SYTL3: variants seen among roughly 807,000 people sequenced by gnomAD.
SYTL3 encodes the protein synaptotagmin-like protein 3.
SYTL3 carries 88 observed loss-of-function variants against 82.1 expected under a neutral mutation model. The ratio of observed to expected loss-of-function variants is 1.07; its 90% CI spans 0.90 to 1.28. The LOEUF (loss-of-function observed/expected upper bound fraction) is 1.28. SYTL3 is among the 50% of genes most tolerant of loss of function. The pLI is 0.00. For synonymous variants in SYTL3, 311 were observed against 289.4 expected, an observed-to-expected ratio of 1.07 and a Z score of -0.76; for missense variants, 831 against 757.6, an observed-to-expected ratio of 1.10 and a Z score of -1.14.
At position 158,665,511 on chromosome 6, in the gene SYTL3, G is replaced by A. The variant is rs547797468; in HGVS notation, c.227G>A (p.Arg76Gln). 1.2e-5 allele frequency: 19 copies of A among 1,595,786 alleles called. No individual in the cohort carries two copies. Among genetic ancestry groups the A allele is most frequent in the Middle Eastern group, 1.7e-4 (1 of 6,038 alleles). ...CAGGTGCTGGGGTTCCTGCTGCACC[G>A]GGGCGCCGTGTGCCGGGGCTGCAGC... ...CQQVLGFLLH[R>Q]GAVCRGCSHR... Residue 76 changes from arginine to glutamine, a missense_variant, in exon 5 of 18, where the codon CGG becomes CAG. Arg to Gln is a conservative substitution (Grantham distance 43, BLOSUM62 1). Transcript: ENST00000611299.
chr6:158,743,778 T>C (rs1787244338), intron 11 of SYTL3, among the ~76,000 whole-genome samples: 1 of 151,778 alleles, frequency 6.6e-6, no homozygotes, highest in South Asian at 2.1e-4. Flanking sequence ...AATTTTACAT[T>C]GTTTTCCATT....
In SYTL3 at chr6:158,693,844, C is replaced by CTTTTACTTTTTTTTTTTT. The variant is rs763990639; in HGVS notation, c.394+10859_394+10860insACTTTTTTTTTTTTTTTT. Among the ~76,000 whole-genome samples the CTTTTACTTTTTTTTTTTT allele has an allele frequency of 6.7e-3, 371 of 55,462 alleles. 17 individuals carry two copies. Among genetic ancestry groups the CTTTTACTTTTTTTTTTTT allele is most frequent in the Non-Finnish European group, 8.8e-3 (259 of 29,424 alleles). The allele number at this position is 55,462 out of a possible 152,430, so 36.4% of individuals were successfully genotyped here. A position where few individuals can be genotyped will look rare whatever the true frequency, so the allele number is the denominator to read the frequency against. ...AGGTGTGCCACTGCATCCAGCCTTT[C>CTTTTACTTTTTTTTTTTT]TTTTTCTTTTCTTTTTTTTTTTTTT... On this transcript the variant is annotated intron_variant, in intron 6 of 17. Coordinates refer to ENST00000611299, the MANE Select transcript of SYTL3 (RefSeq NM_001242394.2).
chr6:158,680,780 CTTTCTA>C (rs1434334046), intron 5 of SYTL3, among the ~76,000 whole-genome samples: 12 of 152,016 alleles, frequency 7.9e-5, no homozygotes, highest in African/African-American at 2.9e-4. Flanking sequence ...CTTAAATGCT[CTTTCTA>C]TATTTTCCTT....
chr6:158,685,782 C>T (rs766236543), intron 6 of SYTL3, among the ~76,000 whole-genome samples: 6 of 152,132 alleles, frequency 3.9e-5, no homozygotes, highest in Non-Finnish European at 8.8e-5. Context: ...CATGCCATGG[C>T]ACTCCAGCCT....
intron 6 of SYTL3, among the ~76,000 whole-genome samples, chr6:158,695,352 T>C (rs922803201): frequency 2.0e-5 from 3 of 152,064 alleles, no homozygotes; most frequent in African/African-American, 7.3e-5. Flanking sequence ...GATTTCTGAA[T>C]GAAGGATTCA....
At chr6:158,760,940 G>A (rs546784903) in intron 15 of SYTL3, among the ~76,000 whole-genome samples, 195 bp downstream of exon 15, 3 of 152,276 alleles carry the variant, frequency 2.0e-5, no homozygotes, top group South Asian at 2.1e-4. Context: ...TGGGGGAAAC[G>A]GGTGACCAGA....
chr6:158,715,320 A>C (rs1428224942), intron 9 of SYTL3, among the ~76,000 whole-genome samples: 3 of 151,882 alleles, frequency 2.0e-5, no homozygotes, highest in African/African-American at 7.3e-5. Context: ...TCCCCCAGCC[A>C]CCGAAATCCA....
chr6:158,723,017 C>T (rs749789961), intron 10 of SYTL3, among the ~76,000 whole-genome samples: 4 of 150,996 alleles, frequency 2.6e-5, no homozygotes, highest in Non-Finnish European at 5.9e-5. Context: ...CTGCCAGCCT[C>T]GGCTTCCCAA....
At chr6:158,714,168 A>G (rs1049190257) in intron 9 of SYTL3, among the ~76,000 whole-genome samples, 1 of 152,324 alleles carries the variant, frequency 6.6e-6, no homozygotes, top group East Asian at 1.9e-4. Context: ...TCTGGCCAAC[A>G]TGGTGAAACC....
At chr6:158,682,819 A>G in intron 5 of SYTL3, 106 bp from the exon 6 acceptor site, 2 of 769,082 alleles carry the variant, frequency 2.6e-6, no homozygotes, top group Non-Finnish European at 2.2e-6. Context: ...GCTGAGGTCC[A>G]TTGCAAGACT....
chr6:158,684,628 T>C (rs557929359), intron 6 of SYTL3, among the ~76,000 whole-genome samples: 1 of 152,242 alleles, frequency 6.6e-6, no homozygotes, highest in South Asian at 2.1e-4. Context: ...GTGGCTCTTT[T>C]CTAGAAAAAG....
chr6:158,646,518 C>G (rs890899934), upstream of SYTL3, among the ~76,000 whole-genome samples: 6 of 152,196 alleles, frequency 3.9e-5, no homozygotes, highest in African/African-American at 1.4e-4. Context: ...AGCTTTGCCT[C>G]AGACCCAAAT....
chr6:158,687,903 C>T (rs1366136190), intron 6 of SYTL3, among the ~76,000 whole-genome samples: 1 of 152,222 alleles, frequency 6.6e-6, no homozygotes, highest in Non-Finnish European at 1.5e-5. Context: ...GAAATACTAC[C>T]ACAATCCCAA....
At chr6:158,669,014 G>A (rs1263520222) in intron 5 of SYTL3, among the ~76,000 whole-genome samples, 7 of 152,172 alleles carry the variant, frequency 4.6e-5, no homozygotes, top group Admixed American at 3.9e-4. Context: ...GGTGACTTGG[G>A]AGGAGAAACA....
intron 10 of SYTL3, among the ~76,000 whole-genome samples, chr6:158,722,925 C>T (rs1302263511): frequency 2.0e-5 from 3 of 148,800 alleles, no homozygotes; most frequent in Admixed American, 6.7e-5. Flanking sequence ...GCCACCACAC[C>T]CAGCTAATTT....
At chr6:158,671,885 T>C (rs997703270) in intron 5 of SYTL3, among the ~76,000 whole-genome samples, 8 of 152,194 alleles carry the variant, frequency 5.3e-5, no homozygotes, top group Admixed American at 6.5e-5. Context: ...TTTACAACAA[T>C]ATTTTAAACC....
At chr6:158,749,896 A>G (rs1788177397) in intron 12 of SYTL3, among the ~76,000 whole-genome samples, 1 of 152,224 alleles carries the variant, frequency 6.6e-6, no homozygotes, top group Non-Finnish European at 1.5e-5. Flanking sequence ...GTAATTTGGC[A>G]TCATCTAGAA....
At chr6:158,746,929 C>G (rs1173602167) in intron 12 of SYTL3, among the ~76,000 whole-genome samples, 2 of 152,078 alleles carry the variant, frequency 1.3e-5, no homozygotes, top group African/African-American at 4.8e-5. Flanking sequence ...GCTGAGATTA[C>G]AGGTGTGAGC....
At chr6:158,737,849 A>T (rs1786414244) in intron 11 of SYTL3, among the ~76,000 whole-genome samples, 1 of 152,212 alleles carries the variant, frequency 6.6e-6, no homozygotes, top group East Asian at 1.9e-4. Flanking sequence ...CAGCAGACAC[A>T]GCGGTTGAAC....
Sources: allele counts gnomAD v4.1 joint callset (sites outside exome capture counted in the v4.1 genomes callset), GRCh38; gene constraint gnomAD v4.1.1; transcripts MANE v1.5; gene names NCBI Gene and HGNC (gene_info 2026-07-23, HGNC 2026-07-21).